Variants in SPACDR observed in about 807,000 individuals in gnomAD.
The protein encoded by SPACDR is sperm acrosome developmental regulator, also known as uncharacterized protein C7orf61.
chr7:100,457,374 A>G, the SPACDR span, among the ~76,000 whole-genome samples: 1 of 151,848 alleles, frequency 6.6e-6, no homozygotes, highest in Non-Finnish European at 1.5e-5. Flanking sequence ...GCTGGAGTAC[A>G]GTGGCATGAT....
At chr7:100,456,798 G>C in the SPACDR span, 2 of 1,613,244 alleles carry the variant, frequency 1.2e-6, no homozygotes, top group Non-Finnish European at 8.5e-7. Context: ...AGCCGGGTTG[G>C]GTCGGGGGGC....
chr7:100,456,720 G>C, the SPACDR span: 4 of 1,456,696 alleles, frequency 2.7e-6, no homozygotes, highest in African/African-American at 4.2e-5. Flanking sequence ...GTAAGAGTGA[G>C]GTCAGGACTC....
chr7:100,464,038 G>C, the SPACDR span: 1 of 1,294,748 alleles, frequency 7.7e-7, no homozygotes. Context: ...CTCTTGATGG[G>C]AAAAACACAG....
the SPACDR span, among the ~76,000 whole-genome samples, chr7:100,457,978 C>T: frequency 3.3e-5 from 5 of 151,144 alleles, no homozygotes; most frequent in East Asian, 3.9e-4. Context: ...TCGCCACGCT[C>T]GGCTTAAACT....
the SPACDR span, chr7:100,463,276 G>T: frequency 2.6e-6 from 3 of 1,156,878 alleles, no homozygotes; most frequent in East Asian, 2.4e-5. Flanking sequence ...ACCAGGCCAG[G>T]AAACAATTGT....
At chr7:100,463,428 C>T in the SPACDR span, 40 of 1,613,484 alleles carry the variant, frequency 2.5e-5, no homozygotes, top group Admixed American at 1.7e-4. Flanking sequence ...ACAGACTTGA[C>T]GGCCGTCCTC....
At chr7:100,459,001 CTTTTTTT>C in the SPACDR span, among the ~76,000 whole-genome samples, 9 of 135,288 alleles carry the variant, frequency 6.7e-5, no homozygotes, top group African/African-American at 2.6e-4. Context: ...TCCTTTTTAC[CTTTTTTT>C]TTTTTTTTTT....
the SPACDR span, among the ~76,000 whole-genome samples, chr7:100,457,520 T>C: frequency 4.6e-5 from 7 of 151,626 alleles, no homozygotes; most frequent in Admixed American, 6.6e-5. Context: ...GGTTTCACCA[T>C]GTTGGCCAGG....
the SPACDR span, chr7:100,464,002 G>A: frequency 6.6e-7 from 1 of 1,518,352 alleles, no homozygotes; most frequent in Non-Finnish European, 8.9e-7. Flanking sequence ...TAACCCATCG[G>A]AAGAACTTCA....
At chr7:100,462,864 C>G in the SPACDR span, among the ~76,000 whole-genome samples, 1 of 146,452 alleles carries the variant, frequency 6.8e-6, no homozygotes, top group Non-Finnish European at 1.5e-5. Flanking sequence ...AATCCCAGCA[C>G]TTTGGGAGGC....
the SPACDR span, among the ~76,000 whole-genome samples, chr7:100,458,778 T>C: frequency 6.6e-6 from 1 of 151,882 alleles, no homozygotes; most frequent in African/African-American, 2.4e-5. Flanking sequence ...ATACAAAAAA[T>C]TAGCTGGGTG....
At chr7:100,457,014 G>A in the SPACDR span, 20 of 1,547,114 alleles carry the variant, frequency 1.3e-5, no homozygotes, top group South Asian at 2.3e-5. Context: ...ATGTGCATGC[G>A]TAAATAGCTG....
the SPACDR span, among the ~76,000 whole-genome samples, chr7:100,458,080 G>A: frequency 6.6e-6 from 1 of 151,608 alleles, no homozygotes; most frequent in African/African-American, 2.4e-5. Context: ...CCTTTACTGA[G>A]TTCACCTCAT....
the SPACDR span, among the ~76,000 whole-genome samples, chr7:100,460,660 CTTT>C: frequency 6.9e-6 from 1 of 144,146 alleles, no homozygotes; most frequent in Non-Finnish European, 1.5e-5. Context: ...ATCTATTTTC[CTTT>C]TTTTTTTTTG....
the SPACDR span, among the ~76,000 whole-genome samples, chr7:100,459,617 A>AT: frequency 6.6e-6 from 1 of 151,104 alleles, no homozygotes; most frequent in Non-Finnish European, 1.5e-5. Context: ...TTAGAATTTT[A>AT]TTTATTTGTG....
At chr7:100,457,864 T>TTG in the SPACDR span, among the ~76,000 whole-genome samples, 10 of 140,092 alleles carry the variant, frequency 7.1e-5, no homozygotes, top group Non-Finnish European at 6.2e-5. Flanking sequence ...TATATTTTTT[T>TTG]TTTTTTTTGT....
chr7:100,460,369 C>T, the SPACDR span, among the ~76,000 whole-genome samples: 1 of 151,812 alleles, frequency 6.6e-6, no homozygotes, highest in Non-Finnish European at 1.5e-5. Flanking sequence ...GTGGGAGGAT[C>T]GCCTGAAGTC....
chr7:100,456,810 G>A, the SPACDR span: 3 of 1,613,262 alleles, frequency 1.9e-6, no homozygotes, highest in Non-Finnish European at 2.5e-6. Context: ...TCGGGGGGCA[G>A]CATGGCATCG....
At chr7:100,462,265 G>A in the SPACDR span, among the ~76,000 whole-genome samples, 1 of 151,980 alleles carries the variant, frequency 6.6e-6, no homozygotes, top group African/African-American at 2.4e-5. Context: ...CCAGGCTGGA[G>A]TGCAGTGGTG....
Sources: allele counts gnomAD v4.1 joint callset (sites outside exome capture counted in the v4.1 genomes callset), GRCh38; gene constraint gnomAD v4.1.1; transcripts MANE v1.5; gene names NCBI Gene and HGNC (gene_info 2026-07-23, HGNC 2026-07-21).